Variants in HNRNPLL observed in about 807,000 individuals in gnomAD.
HNRNPLL encodes heterogeneous nuclear ribonucleoprotein L-like.
HNRNPLL carries 25 observed loss-of-function variants against 67.1 expected under a neutral mutation model. The observed-to-expected ratio is 0.37, with a 90% CI of 0.27 to 0.52. The LOEUF (loss-of-function observed/expected upper bound fraction) is 0.52. Ranked by LOEUF, HNRNPLL falls within the 20% of genes least tolerant of loss-of-function variation. The probability of loss-of-function intolerance (pLI) is 0.90; values close to 1 mark genes in which losing one functional copy is unlikely to be tolerated. For synonymous variants in HNRNPLL, 267 were observed against 241.7 expected (o/e 1.10, Z -0.97); for missense variants, 542 against 673.9 (o/e 0.80, Z 2.17).
Position 38,562,431 on chromosome 2 carries a change from T to G in HNRNPLL, c.*1751A>C, listed in dbSNP as rs1665705575. On this transcript the variant is annotated 3_prime_UTR_variant, in exon 13 of 13. Transcript: ENST00000449105. ...CCTACAGGTTTATTTCTTAAAATCT[T>G]AGGCATTAAAAAGTCTGTAATTCTG... 1 of 152,156 alleles carries G rather than the reference T, an allele frequency of 6.6e-6. No individual in the cohort carries two copies. The highest frequency in any genetic ancestry group is 1.5e-5 in the Non-Finnish European group (1 of 68,008). 9.4% of individuals were successfully genotyped at this position (152,156 alleles called of 1,614,324 possible). A position where few individuals can be genotyped will look rare whatever the true frequency, so the allele number is the denominator to read the frequency against.
At chr2:38,576,813 A>T (rs1411092153) in intron 7 of HNRNPLL, among the ~76,000 whole-genome samples, 1 of 151,964 alleles carries the variant, frequency 6.6e-6, no homozygotes, top group South Asian at 2.1e-4. Context: ...TAAAAACTAA[A>T]GAATATTTTC....
In HNRNPLL at chr2:38,602,794, C is replaced by G. The variant is rs1027869043; in HGVS notation, c.-168G>C. ...GGCCAGGAGACTGGCGGCTGAGAAG[C>G]GCGGACGGACTGAGGGGGGCGCCCC... On this transcript the variant is annotated 5_prime_UTR_variant, in exon 1 of 13. Transcript: ENST00000449105. The G allele has an allele frequency of 4.0e-5, 62 of 1,537,290 alleles. 1 individual carries two copies. The highest frequency in any genetic ancestry group is 3.4e-5 in the Non-Finnish European group (39 of 1,141,570).
chr2:38,575,358 G>C (rs1379192840), intron 7 of HNRNPLL, among the ~76,000 whole-genome samples: 3 of 151,688 alleles, frequency 2.0e-5, no homozygotes, highest in Non-Finnish European at 3.0e-5. Flanking sequence ...TACATAAATG[G>C]TATATTAACA....
At chr2:38,584,248 GAC>G (rs1486649541) in intron 3 of HNRNPLL, among the ~76,000 whole-genome samples, 1 of 152,106 alleles carries the variant, frequency 6.6e-6, no homozygotes, top group Non-Finnish European at 1.5e-5. Context: ...TTTTTGTAGA[GAC>G]AGAGTCTCAC....
At chr2:38,574,437 T>C (rs116104668) in intron 7 of HNRNPLL, among the ~76,000 whole-genome samples, 369 of 151,998 alleles carry the variant, frequency 2.4e-3, no homozygotes, top group African/African-American at 8.4e-3. Flanking sequence ...GTCCCCCTGA[T>C]GTGCAAAACC....
intron 1 of HNRNPLL, chr2:38,601,595 C>G (rs1429319103): frequency 6.6e-6 from 1 of 152,226 alleles, no homozygotes; most frequent in Non-Finnish European, 1.5e-5. Flanking sequence ...ACAAAATGAT[C>G]ACATTCCTTC....
Position 38,585,553 on chromosome 2 carries a change from C to T in HNRNPLL, c.546+91G>A, listed in dbSNP as rs1264447798. The stretch of plus-strand genomic sequence containing the variant: ...AATTAAAAAAACTATTTTCTAGTAT[C>T]TAGATGGCAATGAAAAAACTACAGA... On this transcript the variant is annotated intron_variant, in intron 3 of 12. Transcript: ENST00000449105. The T allele has an allele frequency of 5.3e-6, 4 of 750,178 alleles. No individual in the cohort carries two copies. The African/African-American group carries it at 7.0e-5, about 13-fold the overall frequency. 46.5% of individuals were successfully genotyped at this position (750,178 alleles called of 1,614,324 possible).
In HNRNPLL at chr2:38,578,681, G is replaced by GT. The variant is rs1466484401; in HGVS notation, c.803-1150dup. Among the ~76,000 whole-genome samples, 7 of 152,080 alleles carry GT rather than the reference G, an allele frequency of 4.6e-5. 1 individual carries two copies. The highest frequency in any genetic ancestry group is 3.9e-4 in the East Asian group (2 of 5,174). ...TAAAAATTCTCTTTACATCATCTCT[G>GT]TAAGTTGGGACCATTTAGCTTCTGC... On this transcript the variant is annotated intron_variant, in intron 6 of 12. Coordinates refer to ENST00000449105, the MANE Select transcript of HNRNPLL (RefSeq NM_138394.4).
chr2:38,570,192 C>T (rs1666017147), intron 8 of HNRNPLL, among the ~76,000 whole-genome samples: 1 of 152,224 alleles, frequency 6.6e-6, no homozygotes, highest in Admixed American at 6.5e-5. Context: ...GGGCAATATA[C>T]TTAACTTCTC....
intron 1 of HNRNPLL, among the ~76,000 whole-genome samples, chr2:38,596,450 G>A (rs1234698818): frequency 6.6e-6 from 1 of 152,060 alleles, no homozygotes; most frequent in South Asian, 2.1e-4. Flanking sequence ...TAGAGACAGG[G>A]TTTCACCATT....
In HNRNPLL at chr2:38,593,489, G is replaced by C. The variant is rs34509419; in HGVS notation, c.190-1841C>G. On this transcript the variant is annotated intron_variant, in intron 1 of 12. Coordinates refer to ENST00000449105, the MANE Select transcript of HNRNPLL (RefSeq NM_138394.4). ...TCATTCTTAGAAATCAGGTGGCAAAGGTAAAATAAAAGGACGACAGAAAAC... is the reference window on the plus strand; with the variant it reads ...TCATTCTTAGAAATCAGGTGGCAAACGTAAAATAAAAGGACGACAGAAAAC... 3.4e-3 allele frequency among the ~76,000 whole-genome samples: 516 copies of C among 152,258 alleles called. 2 individuals carry two copies. The highest frequency in any genetic ancestry group is 5.7e-3 in the Non-Finnish European group (389 of 68,008).
intron 3 of HNRNPLL, among the ~76,000 whole-genome samples, chr2:38,584,450 G>A (rs1666648442): frequency 6.6e-6 from 1 of 152,158 alleles, no homozygotes; most frequent in Non-Finnish European, 1.5e-5. Flanking sequence ...CATTTGGAAA[G>A]CACTGTCACC....
intron 1 of HNRNPLL, among the ~76,000 whole-genome samples, chr2:38,601,264 T>C (rs1280199494): frequency 6.6e-6 from 1 of 152,220 alleles, no homozygotes; most frequent in African/African-American, 2.4e-5. Context: ...CACATCCTGG[T>C]AACTGGAAAC....
At chr2:38,592,984 G>A (rs748844050) in intron 1 of HNRNPLL, among the ~76,000 whole-genome samples, 19 of 152,102 alleles carry the variant, frequency 1.2e-4, no homozygotes, top group South Asian at 4.1e-4. Flanking sequence ...CAAATGGAGT[G>A]CCCTGCCAGT....
chr2:38,565,827 C>T lies in HNRNPLL; in HGVS notation c.1574-1590G>A, dbSNP rs1268132114. 3.1e-5 allele frequency: 5 copies of T among 162,168 alleles called. No individual in the cohort carries two copies. In the South Asian group the frequency reaches 8.0e-4, roughly 26 times the overall value. 10.0% of individuals were successfully genotyped at this position (162,168 alleles called of 1,614,324 possible). On this transcript the variant is annotated intron_variant, in intron 12 of 12. Coordinates refer to ENST00000449105, the MANE Select transcript of HNRNPLL (RefSeq NM_138394.4). Reference sequence around the variant, plus strand: ...AAAATGTAGATAGGTTTAATGAATCCCCACATACCTATCACCCAGCTTCAA... The same window carrying T: ...AAAATGTAGATAGGTTTAATGAATCTCCACATACCTATCACCCAGCTTCAA...
intron 2 of HNRNPLL, among the ~76,000 whole-genome samples, chr2:38,586,177 AG>A (rs1170746029): frequency 6.6e-6 from 1 of 152,072 alleles, no homozygotes; most frequent in African/African-American, 2.4e-5. Flanking sequence ...GCCCGCCACC[AG>A]GCCCCGCTGA....
chr2:38,602,915 G>C lies in HNRNPLL; in HGVS notation c.-289C>G, dbSNP rs1397030897. ...CCGTCTCCGCTCCCTGCCCGGAGGA[G>C]CGAATCTAAGGATGGGGACGCAACC... On this transcript the variant is annotated 5_prime_UTR_variant, in exon 1 of 13. Coordinates refer to ENST00000449105, the MANE Select transcript of HNRNPLL (RefSeq NM_138394.4). 3.3e-6 allele frequency: 5 copies of C among 1,526,232 alleles called. No homozygotes were observed. In the Admixed American group the frequency reaches 5.9e-5, roughly 18 times the overall value. The allele number at this position is 1,526,232 out of a possible 1,614,324, so 94.5% of individuals were successfully genotyped here.
chr2:38,602,812 G>A lies in HNRNPLL; in HGVS notation c.-186C>T, dbSNP rs1399800426. On this transcript the variant is annotated 5_prime_UTR_variant, in exon 1 of 13. Transcript: ENST00000449105. ...TGAGAAGCGCGGACGGACTGAGGGG[G>A]GCGCCCCGGGAGGAAGCTCTGGAGC... 1.3e-6 allele frequency: 2 copies of A among 1,544,932 alleles called. No individual in the cohort carries two copies. The highest frequency in any genetic ancestry group is 1.7e-6 in the Non-Finnish European group (2 of 1,144,670).
At chr2:38,592,062 T>C (rs1218102234) in intron 1 of HNRNPLL, among the ~76,000 whole-genome samples, 1 of 152,176 alleles carries the variant, frequency 6.6e-6, no homozygotes, top group Non-Finnish European at 1.5e-5. Flanking sequence ...TTTTTTTTAA[T>C]CCCAAACCAA....
Sources: allele counts gnomAD v4.1 joint callset (sites outside exome capture counted in the v4.1 genomes callset), GRCh38; gene constraint gnomAD v4.1.1; transcripts MANE v1.5; gene names NCBI Gene and HGNC (gene_info 2026-07-23, HGNC 2026-07-21).